RALGPS2: variants seen among roughly 807,000 people sequenced by gnomAD.
The protein encoded by RALGPS2 is Ral GEF with PH domain and SH3 binding motif 2, also known as ras-specific guanine nucleotide-releasing factor RalGPS2.
RALGPS2 carries 43 observed loss-of-function variants against 86.8 expected under a neutral mutation model. The ratio of observed to expected loss-of-function variants is 0.50; its 90% confidence interval spans 0.39 to 0.64. The LOEUF (loss-of-function observed/expected upper bound fraction) is 0.64, where lower values mean the gene tolerates loss of function less well. RALGPS2 is among the 30% of genes least tolerant of loss of function. The pLI, the probability that RALGPS2 is intolerant of heterozygous loss-of-function variation, is 0.00. For missense variants in RALGPS2, 536 were observed against 694.6 expected, an observed-to-expected ratio of 0.77 and a Z score of 2.57; for synonymous variants, 243 against 231.3, an observed-to-expected ratio of 1.05 and a Z score of -0.46.
At chr1:178,907,261 G>T (rs1334814603) in intron 19 of RALGPS2, among the ~76,000 whole-genome samples, 1 of 152,194 alleles carries the variant, frequency 6.6e-6, no homozygotes, top group African/African-American at 2.4e-5. Context: ...AAGAGCAAGT[G>T]CAGGGAGCCT....
At chr1:178,819,165 G>GT (rs906916297) in intron 6 of RALGPS2, among the ~76,000 whole-genome samples, 22 of 150,802 alleles carry the variant, frequency 1.5e-4, no homozygotes, top group South Asian at 4.2e-4. Flanking sequence ...TAATTTCTGT[G>GT]TTTTTTTTAT....
intron 1 of RALGPS2, among the ~76,000 whole-genome samples, chr1:178,731,357 A>T (rs1650349324): frequency 8.2e-6 from 1 of 121,922 alleles, no homozygotes; most frequent in Admixed American, 1.2e-4. Context: ...ATCTTGGCTC[A>T]GTGCACCCTC....
intron 19 of RALGPS2, among the ~76,000 whole-genome samples, chr1:178,911,013 A>T (rs1660602172): frequency 6.6e-6 from 1 of 151,992 alleles, no homozygotes; most frequent in Non-Finnish European, 1.5e-5. Flanking sequence ...CCAGGAATTT[A>T]TCCATTTCTT....
chr1:178,837,680 G>A (rs1168236750), intron 8 of RALGPS2, among the ~76,000 whole-genome samples: 1 of 144,362 alleles, frequency 6.9e-6, no homozygotes, highest in African/African-American at 2.6e-5. Context: ...TTGTCGGACA[G>A]TGGGTGCAGG....
At chr1:178,793,336 G>T (rs1424400747) in intron 4 of RALGPS2, among the ~76,000 whole-genome samples, 3 of 150,752 alleles carry the variant, frequency 2.0e-5, no homozygotes, top group Admixed American at 2.0e-4. Flanking sequence ...TAATTTCAGA[G>T]TTGAGCTGCA....
At chr1:178,888,840 A>G (rs950970478) in intron 13 of RALGPS2, among the ~76,000 whole-genome samples, 1 of 152,104 alleles carries the variant, frequency 6.6e-6, no homozygotes, top group African/African-American at 2.4e-5. Flanking sequence ...TTACAGCATT[A>G]GAATTTGAGT....
At chr1:178,740,698 T>C (rs1228565755) in intron 1 of RALGPS2, among the ~76,000 whole-genome samples, 1 of 152,086 alleles carries the variant, frequency 6.6e-6, no homozygotes, top group Non-Finnish European at 1.5e-5. Context: ...AACATGAGAG[T>C]GAAGATTCTA....
intron 4 of RALGPS2, among the ~76,000 whole-genome samples, chr1:178,790,536 T>A (rs887704608): frequency 1.3e-5 from 2 of 152,234 alleles, no homozygotes; most frequent in African/African-American, 2.4e-5. Context: ...AGGTATCCCT[T>A]AACGCATGCT....
At chr1:178,851,244 C>T (rs1479913198) in intron 8 of RALGPS2, 1 of 1,613,966 alleles carries the variant, frequency 6.2e-7, no homozygotes. Flanking sequence ...TCCTCTGTAC[C>T]ATACTCCATT....
At chr1:178,726,740 C>T (rs189161683) in intron 1 of RALGPS2, among the ~76,000 whole-genome samples, 1 of 152,202 alleles carries the variant, frequency 6.6e-6, no homozygotes, top group Non-Finnish European at 1.5e-5. Context: ...CTGTGTCCAC[C>T]ATTAGATCGA....
chr1:178,808,690 T>C (rs1296092586), intron 5 of RALGPS2, among the ~76,000 whole-genome samples: 1 of 152,088 alleles, frequency 6.6e-6, no homozygotes, highest in Non-Finnish European at 1.5e-5. Flanking sequence ...AGGGAATACA[T>C]TATTCTAAGA....
intron 8 of RALGPS2, among the ~76,000 whole-genome samples, chr1:178,859,495 C>G (rs1330266518): frequency 1.3e-5 from 2 of 148,954 alleles, no homozygotes; most frequent in African/African-American, 5.0e-5. Flanking sequence ...CCTCCGCCTC[C>G]CGAGTTCAAG....
intron 4 of RALGPS2, among the ~76,000 whole-genome samples, chr1:178,803,435 G>A (rs1419650137): frequency 6.1e-5 from 9 of 146,704 alleles, no homozygotes. Context: ...AGTTACTTAG[G>A]GATTTAATCT....
chr1:178,920,220 T>C lies in RALGPS2; in HGVS notation c.*3861T>C, dbSNP rs908797907. ...ATGATTTAAGTACCTTTGATTTTGC[T>C]CCCCTAAAAATGGCTTGTGTCTAAA... On this transcript the variant is annotated 3_prime_UTR_variant, in exon 20 of 20. Coordinates refer to ENST00000367635, the MANE Select transcript of RALGPS2 (RefSeq NM_152663.5). 1 of 152,010 alleles carries C rather than the reference T, an allele frequency of 6.6e-6. No homozygotes were observed. The highest frequency in any genetic ancestry group is 2.1e-4 in the South Asian group (1 of 4,830). The allele number at this position is 152,010 out of a possible 1,614,324, so 9.4% of individuals were successfully genotyped here.
At chr1:178,870,616 A>C (rs1430443093) in intron 8 of RALGPS2, 2 of 152,208 alleles carry the variant, frequency 1.3e-5, no homozygotes, top group Non-Finnish European at 2.9e-5. Flanking sequence ...TTTTCAGATG[A>C]GATAAACTGT....
chr1:178,743,928 C>T (rs1265290888), intron 1 of RALGPS2, among the ~76,000 whole-genome samples: 1 of 151,938 alleles, frequency 6.6e-6, no homozygotes, highest in African/African-American at 2.4e-5. Flanking sequence ...TTCTGTTAAA[C>T]GTTTAAGGAA....
At chr1:178,752,238 C>G (rs1379562243) in intron 1 of RALGPS2, among the ~76,000 whole-genome samples, 1 of 151,410 alleles carries the variant, frequency 6.6e-6, no homozygotes, top group African/African-American at 2.4e-5. Flanking sequence ...CAAGCTGAAG[C>G]AATTCTCTCA....
At chr1:178,841,062 A>G (rs1656580419) in intron 8 of RALGPS2, among the ~76,000 whole-genome samples, 1 of 152,368 alleles carries the variant, frequency 6.6e-6, no homozygotes, top group East Asian at 1.9e-4. Context: ...GCCAAATTCT[A>G]CCAGAGGTAC....
chr1:178,808,793 T>A (rs1654851619), intron 5 of RALGPS2, among the ~76,000 whole-genome samples: 1 of 152,190 alleles, frequency 6.6e-6, no homozygotes, highest in Admixed American at 6.6e-5. Flanking sequence ...TCTTTGTACT[T>A]CTCTGTAGTA....
Sources: allele counts gnomAD v4.1 joint callset (sites outside exome capture counted in the v4.1 genomes callset), GRCh38; gene constraint gnomAD v4.1.1; transcripts MANE v1.5; gene names NCBI Gene and HGNC (gene_info 2026-07-23, HGNC 2026-07-21).